JAKMIP2: variants seen among roughly 807,000 people sequenced by gnomAD.
JAKMIP2 encodes janus kinase and microtubule interacting protein 2.
Under a neutral mutation model 115.0 loss-of-function variants are expected in JAKMIP2, and 25 were observed. The ratio of observed to expected loss-of-function variants is 0.22; its 90% CI spans 0.16 to 0.30. JAKMIP2 has a LOEUF of 0.30. JAKMIP2 is among the 10% of genes least tolerant of loss of function. JAKMIP2 has a pLI of 1.00. For synonymous variants in JAKMIP2, 334 were observed against 343.6 expected (o/e 0.97, Z 0.31); for missense variants, 642 against 957.6 (o/e 0.67, Z 4.35).
intron 1 of JAKMIP2, among the ~76,000 whole-genome samples, chr5:147,699,895 C>G (rs1318051870): frequency 3.9e-5 from 6 of 152,190 alleles, no homozygotes; most frequent in Non-Finnish European, 7.3e-5. Flanking sequence ...TCTATTCAAA[C>G]TTGGTGCTGT....
At chr5:147,691,067 A>C (rs1033132680) in intron 1 of JAKMIP2, among the ~76,000 whole-genome samples, 16 of 152,124 alleles carry the variant, frequency 1.1e-4, no homozygotes, top group African/African-American at 3.1e-4. Context: ...ACTCCAGTCA[A>C]AGTGCTAGCA....
At chr5:147,605,353 G>T (rs971684933) in intron 20 of JAKMIP2, among the ~76,000 whole-genome samples, 1 of 151,904 alleles carries the variant, frequency 6.6e-6, no homozygotes, top group African/African-American at 2.4e-5. Context: ...GGGACTACAG[G>T]CTCCCACCAC....
At chr5:147,764,941 AGAGAGG>A (rs1755079079) in intron 1 of JAKMIP2, among the ~76,000 whole-genome samples, 1 of 93,348 alleles carries the variant, frequency 1.1e-5, no homozygotes, top group Non-Finnish European at 2.0e-5. Context: ...AGAGAGAGAG[AGAGAGG>A]GAGAGAGAGA....
chr5:147,779,725 A>G (rs1755688893), intron 1 of JAKMIP2, among the ~76,000 whole-genome samples: 1 of 152,118 alleles, frequency 6.6e-6, no homozygotes, highest in Non-Finnish European at 1.5e-5. Context: ...GTTATAACCT[A>G]GAAGTGTCTT....
At chr5:147,683,476 A>G (rs1760408938) in intron 1 of JAKMIP2, among the ~76,000 whole-genome samples, 1 of 152,206 alleles carries the variant, frequency 6.6e-6, no homozygotes, top group Admixed American at 6.5e-5. Context: ...TGGGAAACAG[A>G]GCAAGACTCT....
At chr5:147,700,231 A>G (rs1288853573) in intron 1 of JAKMIP2, among the ~76,000 whole-genome samples, 6 of 152,174 alleles carry the variant, frequency 3.9e-5, no homozygotes, top group Non-Finnish European at 5.9e-5. Flanking sequence ...TAAAAATATG[A>G]AAAATATTAA....
At chr5:147,613,577 T>C (rs1358232303) in intron 19 of JAKMIP2, among the ~76,000 whole-genome samples, 1 of 152,174 alleles carries the variant, frequency 6.6e-6, no homozygotes, top group African/African-American at 2.4e-5. Flanking sequence ...TTTTAGTATA[T>C]TCATAAAATT....
chr5:147,670,437 G>A (rs947491982), intron 2 of JAKMIP2, among the ~76,000 whole-genome samples: 7 of 152,144 alleles, frequency 4.6e-5, no homozygotes, highest in African/African-American at 1.7e-4. Context: ...TGCAAGGAGC[G>A]AAAACATCTT....
At chr5:147,761,780 CAA>C (rs1187638673) in intron 1 of JAKMIP2, among the ~76,000 whole-genome samples, 7 of 151,610 alleles carry the variant, frequency 4.6e-5, no homozygotes, top group Non-Finnish European at 1.0e-4. Flanking sequence ...ATAAATATGA[CAA>C]ATGGTATAAA....
intron 1 of JAKMIP2, among the ~76,000 whole-genome samples, chr5:147,776,627 A>G (rs895632482): frequency 6.6e-6 from 1 of 152,188 alleles, no homozygotes; most frequent in Non-Finnish European, 1.5e-5. Flanking sequence ...TGCTTAACCA[A>G]GGTTAAAACT....
intron 1 of JAKMIP2, among the ~76,000 whole-genome samples, chr5:147,686,670 G>T (rs1197854735): frequency 2.0e-5 from 3 of 152,116 alleles, no homozygotes; most frequent in African/African-American, 7.2e-5. Flanking sequence ...TTTTAATGTT[G>T]TTCTTCCAAA....
At chr5:147,757,559 C>G (rs1580885281) in intron 1 of JAKMIP2, among the ~76,000 whole-genome samples, 1 of 152,032 alleles carries the variant, frequency 6.6e-6, no homozygotes, top group African/African-American at 2.4e-5. Flanking sequence ...AGCCTCTGTT[C>G]TTTAACCTGG....
At chr5:147,702,576 GAAGGAAAGAAA>G (rs1561547222) in intron 1 of JAKMIP2, among the ~76,000 whole-genome samples, 3 of 111,888 alleles carry the variant, frequency 2.7e-5, no homozygotes, top group East Asian at 2.8e-4. Context: ...AAGAAAGAAA[GAAGGAAAGAAA>G]GAAAGAAAGA....
intron 1 of JAKMIP2, among the ~76,000 whole-genome samples, chr5:147,703,489 T>A (rs1752452977): frequency 6.6e-6 from 1 of 152,128 alleles, no homozygotes; most frequent in African/African-American, 2.4e-5. Context: ...GAAGACCTAG[T>A]CATCACTGTA....
chr5:147,680,898 G>GA (rs1760227018), intron 1 of JAKMIP2, among the ~76,000 whole-genome samples: 1 of 152,134 alleles, frequency 6.6e-6, no homozygotes, highest in Admixed American at 6.6e-5. Context: ...GTCAGTTAGA[G>GA]AAAAATGAAT....
chr5:147,649,644 C>T (rs951650771), intron 4 of JAKMIP2, among the ~76,000 whole-genome samples: 3 of 150,720 alleles, frequency 2.0e-5, no homozygotes, highest in Non-Finnish European at 3.0e-5. Flanking sequence ...AGATTATATA[C>T]ATATATATAT....
At chr5:147,639,818 A>C in intron 9 of JAKMIP2, 58 bp from the exon 10 acceptor site, 1 of 1,573,964 alleles carries the variant, frequency 6.4e-7, no homozygotes, top group East Asian at 2.2e-5. Flanking sequence ...TCCTGTTTTC[A>C]ATGTGAAATA....
At chr5:147,662,778 A>G (rs1336553382) in intron 2 of JAKMIP2, among the ~76,000 whole-genome samples, 1 of 152,158 alleles carries the variant, frequency 6.6e-6, no homozygotes, top group Non-Finnish European at 1.5e-5. Flanking sequence ...TGAGGTCAGG[A>G]GATCGAGACT....
chr5:147,629,897 G>T, intron 14 of JAKMIP2, 151 bp from the exon 15 acceptor site: 1 of 624,372 alleles, frequency 1.6e-6, no homozygotes, highest in South Asian at 2.1e-5. Context: ...TTTCAATTTT[G>T]CTTCTTACAT....
Sources: gnomAD v4.1 joint callset for allele counts (sites outside exome capture counted in the v4.1 genomes callset) on GRCh38, gnomAD v4.1.1 for gene constraint, MANE v1.5 for transcripts, NCBI Gene and HGNC (gene_info 2026-07-23, HGNC 2026-07-21) for gene names.